The following PLK5 variants were observed in gnomAD, a reference collection of about 807,000 sequenced individuals.
The protein encoded by PLK5 is polo like kinase 5 (inactive).
Under a neutral mutation model 33.7 loss-of-function variants are expected in PLK5, and 28 were observed. The observed-to-expected ratio is 0.83, with a 90% CI of 0.62 to 1.14. The LOEUF (loss-of-function observed/expected upper bound fraction) is 1.14. Ranked by LOEUF, PLK5 falls within the 50% of genes most tolerant of loss-of-function variation. The pLI is 0.00. For missense variants in PLK5, 492 were observed against 461.5 expected (o/e 1.07, Z -0.61); for synonymous variants, 225 against 202.2 (o/e 1.11, Z -0.96).
Position 1,535,312 on chromosome 19 carries a change from A to C in PLK5, c.*62A>C. 1 of 1,469,516 alleles carries C rather than the reference A, an allele frequency of 6.8e-7. No individual in the cohort carries two copies. The highest frequency in any genetic ancestry group is 9.0e-7 in the Non-Finnish European group (1 of 1,107,296). 91.0% of individuals were successfully genotyped at this position (1,469,516 alleles called of 1,614,324 possible). On this transcript the variant is annotated 3_prime_UTR_variant, in exon 14 of 14. Transcript: ENST00000454744. Reference sequence around the variant, plus strand: ...TGCCAGGGACCCAGGCTCCATTTCCATTCCTGTGGCTCCCCCAGAGGGGCT... The same window carrying C: ...TGCCAGGGACCCAGGCTCCATTTCCCTTCCTGTGGCTCCCCCAGAGGGGCT...
intron 4 of PLK5, 35 bp downstream of exon 4, chr19:1,526,650 G>A (rs150666541): frequency 1.4e-4 from 54 of 383,252 alleles, no homozygotes; most frequent in African/African-American, 8.5e-4. Context: ...GGGCGGGGGC[G>A]TCGGGAGGTG....
Position 1,534,921 on chromosome 19 carries a change from C to A in PLK5, c.826-144C>A, listed in dbSNP as rs1003368640. 14 of 743,230 alleles carry A rather than the reference C, an allele frequency of 1.9e-5. No homozygotes were observed. The African/African-American group carries it at 2.0e-4, about 11-fold the overall frequency. 46.0% of individuals were successfully genotyped at this position (743,230 alleles called of 1,614,324 possible). On this transcript the variant is annotated intron_variant, in intron 13 of 13. Transcript: ENST00000454744. ...ACAGTGGAGCACTTGGCCTCCCGAC[C>A]CCGAGTTCCTGTGGCTGGGGCAGGC...
At position 1,528,445 on chromosome 19, in the gene PLK5, C is replaced by T. The variant is rs1277277684; in HGVS notation, c.328+17C>T. 8 of 1,523,182 alleles carry T rather than the reference C, an allele frequency of 5.3e-6. No individual in the cohort carries two copies. The highest frequency in any genetic ancestry group is 2.8e-5 in the African/African-American group (2 of 72,520). The allele number at this position is 1,523,182 out of a possible 1,614,324, so 94.4% of individuals were successfully genotyped here. A position where few individuals can be genotyped will look rare whatever the true frequency, so the allele number is the denominator to read the frequency against. On this transcript the variant is annotated intron_variant, in intron 8 of 13. Coordinates refer to ENST00000454744, the MANE Select transcript of PLK5 (RefSeq NM_001243079.2). ...GGCCACCCTGTAAGTACCACCCCCG[C>T]CCACACCTGCCCAACACCTGCCCAC...
At position 1,526,956 on chromosome 19, in the gene PLK5, G is replaced by C. The variant is rs1277460154; in HGVS notation, c.-41G>C. On this transcript the variant is annotated 5_prime_UTR_variant, in exon 6 of 14. Coordinates refer to ENST00000454744, the MANE Select transcript of PLK5 (RefSeq NM_001243079.2). ...GACCCTGAGGTTGTCTCCAGAAACGGTCACTCCTGCCAGTAGGACATCTGG... is the reference window on the plus strand; with the variant it reads ...GACCCTGAGGTTGTCTCCAGAAACGCTCACTCCTGCCAGTAGGACATCTGG... The C allele has an allele frequency of 2.0e-6, 3 of 1,534,988 alleles. No homozygotes were observed. In the Admixed American group the frequency reaches 5.9e-5, roughly 30 times the overall value.
Position 1,531,865 on chromosome 19 carries a change from C to T in PLK5, c.696C>T (p.Gly232=). ...DGGRTGRHPH[G]PATPRREGTL... Reference sequence around the variant, plus strand: ...GGCGCACGGGACGGCACCCACATGGCCCTGCGACCCCCCGGAGGGTAAGTT... The same window carrying T: ...GGCGCACGGGACGGCACCCACATGGTCCTGCGACCCCCCGGAGGGTAAGTT... Residue 232 remains glycine (G), a synonymous_variant, in exon 12 of 14, where the codon GGC becomes GGT. Transcript: ENST00000454744. 4 of 1,495,312 alleles carry T rather than the reference C, an allele frequency of 2.7e-6. No individual in the cohort carries two copies. The highest frequency in any genetic ancestry group is 1.4e-5 in the African/African-American group (1 of 71,890). 92.6% of individuals were successfully genotyped at this position (1,495,312 alleles called of 1,614,324 possible).
Position 1,528,165 on chromosome 19 carries a change from G to A in PLK5, c.201+31G>A, listed in dbSNP as rs528827090. On this transcript the variant is annotated intron_variant, in intron 7 of 13. Coordinates refer to ENST00000454744, the MANE Select transcript of PLK5 (RefSeq NM_001243079.2). ...CGGCGGTCCTCGGCGTGGGGTCCCT[G>A]GCGTGGGGTCCCTGGCAGGTGATGA... 3.9e-6 allele frequency: 6 copies of A among 1,530,754 alleles called. No individual in the cohort carries two copies. The East Asian group carries it at 1.2e-4, about 31-fold the overall frequency. 94.8% of individuals were successfully genotyped at this position (1,530,754 alleles called of 1,614,324 possible).
chr19:1,528,238 G>A, intron 7 of PLK5, 64 bp from the exon 8 acceptor site: 1 of 1,535,306 alleles, frequency 6.5e-7, no homozygotes, highest in Non-Finnish European at 8.7e-7. Flanking sequence ...CCTGTCCCAG[G>A]TAACCCAGGT....
rs868315672 is a variant in PLK5 at position 1,524,525 on chromosome 19, T to C, written c.-544+279T>C. On this transcript the variant is annotated intron_variant, in intron 1 of 13. Transcript: ENST00000454744. The surrounding 1 kb of genome is among the most constrained non-coding windows in gnomAD (Gnocchi z 4.5). Reference sequence around the variant, plus strand: ...ACGCTGTGTTGCCCCTGGGTGTGTGTGCGAGCCTGGCGAGGGTCTGAGTGT... The same window carrying C: ...ACGCTGTGTTGCCCCTGGGTGTGTGCGCGAGCCTGGCGAGGGTCTGAGTGT... Among the ~76,000 whole-genome samples the C allele has an allele frequency of 2.0e-5, 3 of 152,142 alleles. No individual in the cohort carries two copies. Among genetic ancestry groups the C allele is most frequent in the Non-Finnish European group, 4.4e-5 (3 of 68,016 alleles).
chr19:1,531,836 G>T lies in PLK5; in HGVS notation c.667G>T (p.Gly223Trp). ...KYGFGYQLLD[G>W]GRTGRHPHGP... ...CGGCTTTGGCTACCAGCTCTTGGACGGGGGGCGCACGGGACGGCACCCACA... is the reference window on the plus strand; with the variant it reads ...CGGCTTTGGCTACCAGCTCTTGGACTGGGGGCGCACGGGACGGCACCCACA... Residue 223 changes from glycine (G) to tryptophan (W), a missense_variant, in exon 12 of 14, where the codon GGG (glycine) becomes TGG (tryptophan). Coordinates refer to ENST00000454744, the MANE Select transcript of PLK5 (RefSeq NM_001243079.2). 1 of 1,532,584 alleles carries T rather than the reference G, an allele frequency of 6.5e-7. No individual in the cohort carries two copies. Among genetic ancestry groups the T allele is most frequent in the Non-Finnish European group, 8.7e-7 (1 of 1,145,172 alleles). 94.9% of individuals were successfully genotyped at this position (1,532,584 alleles called of 1,614,324 possible).
At position 1,528,068 on chromosome 19, in the gene PLK5, C is replaced by T. The variant is rs1913796009; in HGVS notation, c.135C>T (p.Leu45=). The T allele has an allele frequency of 6.5e-7, 1 of 1,536,082 alleles. No homozygotes were observed. ...SANARRLIVH[L]LAPNPAERPS... ...ATGCGCGCCGCCTCATCGTGCACCT[C>T]CTAGCACCCAACCCGGCCGAGCGGC... Residue 45 remains leucine (L), a synonymous_variant, in exon 7 of 14, where the codon CTC becomes CTT. Coordinates refer to ENST00000454744, the MANE Select transcript of PLK5 (RefSeq NM_001243079.2).
Position 1,527,008 on chromosome 19 carries a change from G to C in PLK5, c.2+10G>C, listed in dbSNP as rs1370969410. 1 of 1,528,468 alleles carries C rather than the reference G, an allele frequency of 6.5e-7. No individual in the cohort carries two copies. The highest frequency in any genetic ancestry group is 1.2e-5 in the South Asian group (1 of 83,376). The allele number at this position is 1,528,468 out of a possible 1,614,324, so 94.7% of individuals were successfully genotyped here. A position where few individuals can be genotyped will look rare whatever the true frequency, so the allele number is the denominator to read the frequency against. ...CTCTGGGCTGCATCATGTGAGTGGG[G>C]TCCTGGAGAAGGTGGGCAGGGCCTC... On this transcript the variant is annotated intron_variant, in intron 6 of 13. Coordinates refer to ENST00000454744, the MANE Select transcript of PLK5 (RefSeq NM_001243079.2).
At chr19:1,529,621 T>C in intron 10 of PLK5, 126 bp from the exon 11 acceptor site, 3 of 1,405,892 alleles carry the variant, frequency 2.1e-6, no homozygotes, top group Non-Finnish European at 2.9e-6. Context: ...GCCTGTCAAA[T>C]GGGAATGCCG....
Position 1,529,436 on chromosome 19 carries a change from C to G in PLK5, c.436C>G (p.Leu146Val), listed in dbSNP as rs563777379. The change falls in exon 10 of 14, where the codon CTG becomes GTG. Residue 146 changes from leucine to valine, a missense_variant. Coordinates refer to ENST00000454744, the MANE Select transcript of PLK5 (RefSeq NM_001243079.2). The part of the protein sequence containing the change: ...SSLSAKEVPC[L>V]EGPIHLVAQG... ...CCTGTCTGCGAAAGAGGTTCCCTGCCTGGAAGGCCCCATCCACCTGGTCGC... is the reference window on the plus strand; with the variant it reads ...CCTGTCTGCGAAAGAGGTTCCCTGCGTGGAAGGCCCCATCCACCTGGTCGC... 291 of 1,535,934 alleles carry G rather than the reference C, an allele frequency of 1.9e-4. No individual in the cohort carries two copies. Among genetic ancestry groups the G allele is most frequent in the Non-Finnish European group, 2.4e-4 (272 of 1,146,874 alleles).
intron 12 of PLK5, among the ~76,000 whole-genome samples, chr19:1,532,624 A>G (rs1431769306): frequency 2.0e-5 from 3 of 148,286 alleles, no homozygotes; most frequent in Non-Finnish European, 4.4e-5. Context: ...CCGGGTTCAC[A>G]CCATTCTCCT....
Position 1,531,884 on chromosome 19 carries a change from G to A in PLK5, c.714+1G>A. The A allele has an allele frequency of 2.0e-6, 3 of 1,483,434 alleles. No individual in the cohort carries two copies. Among genetic ancestry groups the A allele is most frequent in the South Asian group, 1.3e-5 (1 of 75,754 alleles). The allele number at this position is 1,483,434 out of a possible 1,614,324, so 91.9% of individuals were successfully genotyped here. A position where few individuals can be genotyped will look rare whatever the true frequency, so the allele number is the denominator to read the frequency against. ...ACATGGCCCTGCGACCCCCCGGAGG[G>A]TAAGTTGTGGCCTCCTGTGCCCTGG... On this transcript the variant is annotated splice_donor_variant, in intron 12 of 13. Transcript: ENST00000454744. LOFTEE classifies it high-confidence loss of function.
At position 1,526,523 on chromosome 19, in the gene PLK5, C is replaced by T. The variant is rs778980898; in HGVS notation, c.-275C>T. 6.1e-5 allele frequency: 17 copies of T among 280,202 alleles called. No homozygotes were observed. Among genetic ancestry groups the T allele is most frequent in the African/African-American group, 4.6e-5 (2 of 43,108 alleles). 17.4% of individuals were successfully genotyped at this position (280,202 alleles called of 1,614,324 possible). On this transcript the variant is annotated 5_prime_UTR_variant, in exon 4 of 14. The change creates a new upstream start codon in the 5' untranslated region. Transcript: ENST00000454744. ...GTGCTGAGGGCGCGGCAGATCCTGA[C>T]GGAGCCAGAAGTGCGCGACTACCTG...
chr19:1,532,481 C>G (rs551136562), intron 12 of PLK5, among the ~76,000 whole-genome samples: 28 of 151,690 alleles, frequency 1.8e-4, no homozygotes, highest in Non-Finnish European at 3.7e-4. Flanking sequence ...TGAGATCAGC[C>G]TGGGCCACAC....
At position 1,529,834 on chromosome 19, in the gene PLK5, G is replaced by C; in HGVS notation, c.568+10G>C. On this transcript the variant is annotated intron_variant, in intron 11 of 13. Transcript: ENST00000454744. Reference sequence around the variant, plus strand: ...GATGTAGGCCCCCCGGGTAGGAGCCGGCCCAGCCCCCAGGATCACCTTTAC... The same window carrying C: ...GATGTAGGCCCCCCGGGTAGGAGCCCGCCCAGCCCCCAGGATCACCTTTAC... 6.5e-7 allele frequency: 1 copy of C among 1,534,676 alleles called. No individual in the cohort carries two copies. The highest frequency in any genetic ancestry group is 8.7e-7 in the Non-Finnish European group (1 of 1,146,324).
chr19:1,525,534 GCGAGCATCCTGCAGCCTGTGCCC>G (rs1913714978), intron 2 of PLK5, 38 bp from the exon 3 acceptor site: 1 of 152,680 alleles, frequency 6.5e-6, no homozygotes, highest in Non-Finnish European at 1.5e-5. Flanking sequence ...CAGGAGGCAG[GCGAGCATCCTGCAGCCTGTGCCC>G]CGCTGCAGGC....
Sources: allele counts gnomAD v4.1 joint callset (sites outside exome capture counted in the v4.1 genomes callset), GRCh38; gene constraint gnomAD v4.1.1; non-coding constraint Gnocchi (gnomAD v3.1); transcripts MANE v1.5; gene names NCBI Gene and HGNC (gene_info 2026-07-23, HGNC 2026-07-21).